Variants in KRT7 observed in about 807,000 individuals in gnomAD.
The protein encoded by KRT7 is keratin 7, also known as keratin, type II cytoskeletal 7.
A neutral mutation model predicts 42.8 loss-of-function variants in KRT7; 50 were observed. That is an observed-to-expected ratio of 1.17 (90% confidence interval 0.93 to 1.48). KRT7 has a LOEUF of 1.48. Ranked by LOEUF, KRT7 falls within the 40% of genes most tolerant of loss-of-function variation. The pLI, the probability that KRT7 is intolerant of heterozygous loss-of-function variation, is 0.00. For synonymous variants in KRT7, 268 were observed against 266.3 expected (o/e 1.01, Z -0.06); for missense variants, 588 against 637.6 (o/e 0.92, Z 0.84).
At chr12:52,245,307 C>G in intron 6 of KRT7, 105 bp from the exon 7 acceptor site, 1 of 1,071,484 alleles carries the variant, frequency 9.3e-7, no homozygotes, top group Non-Finnish European at 1.4e-6. Context: ...GTAGGTGGTG[C>G]CAATGAAGCC....
At position 52,233,320 on chromosome 12, in the gene KRT7, G is replaced by A; in HGVS notation, c.24G>A (p.Pro8=). 6.4e-7 allele frequency: 1 copy of A among 1,569,372 alleles called. No homozygotes were observed. The highest frequency in any genetic ancestry group is 8.6e-7 in the Non-Finnish European group (1 of 1,163,338). Reference sequence around the variant, plus strand: ...CCATGTCCATCCACTTCAGCTCCCCGGTATTCACCTCGCGCTCAGCCGCCT... The same window carrying A: ...CCATGTCCATCCACTTCAGCTCCCCAGTATTCACCTCGCGCTCAGCCGCCT... MSIHFSS[P]VFTSRSAAFS... The change falls in exon 1 of 9, where the codon CCG becomes CCA. Residue 8 remains proline, a synonymous_variant. Transcript: ENST00000331817.
downstream of KRT7, chr12:52,252,287 G>T (rs773566370): frequency 1.9e-6 from 3 of 1,613,864 alleles, no homozygotes; most frequent in Non-Finnish European, 2.5e-6. Flanking sequence ...TCCAGCAGGC[G>T]CCTGTAGGTG....
chr12:52,251,885 C>CA, downstream of KRT7: 1 of 413,108 alleles, frequency 2.4e-6, no homozygotes. Context: ...GGCTGCTTTA[C>CA]ATGACAACGG....
chr12:52,237,339 C>T (rs1404162719), intron 2 of KRT7, among the ~76,000 whole-genome samples, 170 bp from the exon 3 acceptor site: 3 of 152,072 alleles, frequency 2.0e-5, no homozygotes, highest in Non-Finnish European at 4.4e-5. Context: ...TAGGAATGGC[C>T]GCGTGGAAGT....
At chr12:52,245,877 G>A (rs143540044) in intron 7 of KRT7, 270 of 558,762 alleles carry the variant, frequency 4.8e-4, no homozygotes, top group African/African-American at 3.3e-3. Context: ...CTTTGTGTGT[G>A]CGGCTTCTTA....
At chr12:52,245,288 C>A in intron 6 of KRT7, 124 bp from the exon 7 acceptor site, 2 of 863,884 alleles carry the variant, frequency 2.3e-6, no homozygotes, top group Non-Finnish European at 3.7e-6. Context: ...TTCTCTGGTA[C>A]TTGGGGGAGT....
At chr12:52,251,709 G>A, downstream of KRT7, 2 of 313,124 alleles carry the variant, frequency 6.4e-6, no homozygotes, top group Non-Finnish European at 1.2e-5. Context: ...AAGTCCTTAT[G>A]TGGTACATGA....
chr12:52,242,460 G>A (rs1024929269), intron 5 of KRT7, among the ~76,000 whole-genome samples: 60 of 152,196 alleles, frequency 3.9e-4, no homozygotes, highest in African/African-American at 1.4e-3. Flanking sequence ...GGCTGAGGGA[G>A]CAGGAGTGGG....
downstream of KRT7, chr12:52,253,354 T>C: frequency 6.2e-7 from 1 of 1,611,814 alleles, no homozygotes; most frequent in Non-Finnish European, 8.5e-7. Context: ...GAAGTAGAGT[T>C]GCTTATGAGG....
At chr12:52,252,455 G>C, downstream of KRT7, 1 of 1,614,048 alleles carries the variant, frequency 6.2e-7, no homozygotes, top group Non-Finnish European at 8.5e-7. Context: ...GCTCAGACTG[G>C]GCCACCGCGG....
chr12:52,241,851 A>G (rs2121089406), intron 5 of KRT7: 2 of 448,574 alleles, frequency 4.5e-6, no homozygotes, highest in East Asian at 3.7e-5. Flanking sequence ...AATAGCTAAA[A>G]TATGGCAAGT....
chr12:52,253,214 T>C, downstream of KRT7: 1 of 1,606,292 alleles, frequency 6.2e-7, no homozygotes, highest in Non-Finnish European at 8.5e-7. Flanking sequence ...CTCCCATACC[T>C]GGCACTTGGC....
Position 52,248,297 on chromosome 12 carries a change from GC to G in KRT7, c.1240+89del. ...CTAGAGAATGGCAGACTGGCCCAGG[GC>G]CCTGCTGGAGGGGCCAGGAGACTCC... On this transcript the variant is annotated intron_variant, in intron 8 of 8. Coordinates refer to ENST00000331817, the MANE Select transcript of KRT7 (RefSeq NM_005556.4). The G allele has an allele frequency of 2.1e-6, 3 of 1,404,422 alleles. 1 individual carries two copies. In the South Asian group the frequency reaches 3.5e-5, roughly 17 times the overall value. The allele number at this position is 1,404,422 out of a possible 1,614,324, so 87.0% of individuals were successfully genotyped here. A position where few individuals can be genotyped will look rare whatever the true frequency, so the allele number is the denominator to read the frequency against.
chr12:52,241,891 T>C, intron 5 of KRT7: 1 of 276,644 alleles, frequency 3.6e-6, no homozygotes, highest in Non-Finnish European at 6.7e-6. Flanking sequence ...CATGTAATTA[T>C]TGACTCATGT....
At chr12:52,246,754 A>C (rs1344624678) in intron 7 of KRT7, among the ~76,000 whole-genome samples, 1 of 152,180 alleles carries the variant, frequency 6.6e-6, no homozygotes, top group Admixed American at 6.5e-5. Flanking sequence ...AGCTCCAGCC[A>C]AGATGCCTCT....
chr12:52,245,758 A>G, intron 7 of KRT7, 126 bp downstream of exon 7: 1 of 1,219,256 alleles, frequency 8.2e-7, no homozygotes, highest in Non-Finnish European at 1.1e-6. Flanking sequence ...GTGGGGATGC[A>G]GGGAACACAG....
intron 6 of KRT7, chr12:52,244,454 G>T (rs1942140298): frequency 1.0e-6 from 1 of 985,850 alleles, no homozygotes. Context: ...GAGGCAGCGG[G>T]GATGGCGTTG....
intron 2 of KRT7, 66 bp downstream of exon 2, chr12:52,235,432 C>T: frequency 7.3e-7 from 1 of 1,364,056 alleles, no homozygotes; most frequent in Non-Finnish European, 1.0e-6. Flanking sequence ...ATGAGCTGAC[C>T]CTGTGCAAGT....
At chr12:52,234,679 T>G (rs1295048321) in intron 1 of KRT7, among the ~76,000 whole-genome samples, 1 of 152,040 alleles carries the variant, frequency 6.6e-6, no homozygotes, top group Non-Finnish European at 1.5e-5. Flanking sequence ...CTTAAGGGCC[T>G]TTGTGGGCTC....
Sources: gnomAD v4.1 joint callset for allele counts (sites outside exome capture counted in the v4.1 genomes callset) on GRCh38, gnomAD v4.1.1 for gene constraint, MANE v1.5 for transcripts, NCBI Gene and HGNC (gene_info 2026-07-23, HGNC 2026-07-21) for gene names.